The following ROBO2 variants were observed in gnomAD, a reference collection of about 807,000 sequenced individuals.
ROBO2 encodes the protein roundabout guidance receptor 2.
In ROBO2, 53 loss-of-function variants were observed where a neutral mutation model predicts 160.8. The observed-to-expected ratio is 0.33, with a 90% CI of 0.26 to 0.41. ROBO2 has a LOEUF of 0.41. Among genes scored for constraint, ROBO2 ranks in the 10% least tolerant of loss-of-function variants. The pLI is 1.00. For missense variants in ROBO2, 1,577 were observed against 1,722.4 expected (o/e 0.92, Z 1.49); for synonymous variants, 664 against 611.7 (o/e 1.09, Z -1.26).
At chr3:77,290,005 G>T in intron 2 of ROBO2, among the ~76,000 whole-genome samples, 1 of 151,292 alleles carries the variant, frequency 6.6e-6, no homozygotes, top group South Asian at 2.1e-4. Flanking sequence ...ACTGAGGCTA[G>T]ATCCCTAAAG....
chr3:76,986,862 A>T (rs997636927), intron 2 of ROBO2, among the ~76,000 whole-genome samples: 1 of 150,606 alleles, frequency 6.6e-6, no homozygotes, highest in Non-Finnish European at 1.5e-5. Flanking sequence ...TCGATAGGGA[A>T]TATAATAAGT....
At chr3:76,765,033 G>T (rs1239643929) in intron 2 of ROBO2, among the ~76,000 whole-genome samples, 1 of 151,588 alleles carries the variant, frequency 6.6e-6, no homozygotes, top group African/African-American at 2.4e-5. Context: ...GTACCCAATA[G>T]GTAATTTTTC....
intron 2 of ROBO2, among the ~76,000 whole-genome samples, chr3:76,188,797 T>C (rs1053982862): frequency 6.6e-6 from 1 of 152,102 alleles, no homozygotes; most frequent in Non-Finnish European, 1.5e-5. Flanking sequence ...CTTTCCATGT[T>C]CACACTCATA....
intron 5 of ROBO2, among the ~76,000 whole-genome samples, chr3:77,509,174 C>T (rs1292868335): frequency 2.0e-5 from 3 of 152,022 alleles, no homozygotes; most frequent in African/African-American, 4.8e-5. Flanking sequence ...TTTGCTCCTC[C>T]GGTGCCATCT....
intron 2 of ROBO2, among the ~76,000 whole-genome samples, chr3:76,838,607 A>G (rs1019721539): frequency 1.3e-5 from 2 of 152,078 alleles, no homozygotes; most frequent in African/African-American, 2.4e-5. Context: ...AGGTGGCCAC[A>G]TAAACTAAGC....
chr3:76,352,619 C>T (rs1240270473), intron 2 of ROBO2, among the ~76,000 whole-genome samples: 1 of 151,700 alleles, frequency 6.6e-6, no homozygotes, highest in African/African-American at 2.4e-5. Context: ...TGACTAAGGA[C>T]AAAAAAATGG....
intron 2 of ROBO2, among the ~76,000 whole-genome samples, chr3:76,958,284 C>T (rs1240907841): frequency 6.6e-6 from 1 of 152,136 alleles, no homozygotes; most frequent in Non-Finnish European, 1.5e-5. Flanking sequence ...GCATTTACCT[C>T]CTCCTCCCCA....
At chr3:76,134,212 C>T (rs748700585) in intron 2 of ROBO2, among the ~76,000 whole-genome samples, 30 of 152,064 alleles carry the variant, frequency 2.0e-4, no homozygotes, top group South Asian at 4.1e-4. Context: ...CTAAAAGACA[C>T]GAGGAATTTC....
chr3:76,045,496 T>C (rs891010194), intron 2 of ROBO2, among the ~76,000 whole-genome samples: 2 of 151,972 alleles, frequency 1.3e-5, no homozygotes, highest in Non-Finnish European at 2.9e-5. Context: ...GAGAAAGACT[T>C]TCAATTTTAT....
chr3:76,001,088 T>C (rs2065874132), intron 2 of ROBO2, among the ~76,000 whole-genome samples: 3 of 152,064 alleles, frequency 2.0e-5, no homozygotes, highest in South Asian at 2.1e-4. Flanking sequence ...TGTTTTTCCA[T>C]TTAATCTGTC....
chr3:77,434,809 A>G (rs2079122256), intron 2 of ROBO2, among the ~76,000 whole-genome samples: 2 of 152,094 alleles, frequency 1.3e-5, no homozygotes, highest in African/African-American at 4.8e-5. Context: ...TTACCCTTAC[A>G]TTTAGAAAAT....
At chr3:77,630,945 G>A (rs945144395) in intron 23 of ROBO2, 1 of 150,036 alleles carries the variant, frequency 6.7e-6, no homozygotes, top group African/African-American at 2.5e-5. Flanking sequence ...CCCCCTCACT[G>A]AATTTCTTTG....
intron 2 of ROBO2, among the ~76,000 whole-genome samples, chr3:77,280,337 T>A (rs529712567): frequency 3.9e-5 from 6 of 152,200 alleles, no homozygotes; most frequent in Admixed American, 3.3e-4. Context: ...AAAATGGTTA[T>A]GTGGAAAGTT....
intron 2 of ROBO2, among the ~76,000 whole-genome samples, chr3:76,766,745 G>T (rs1033051324): frequency 6.6e-6 from 1 of 151,384 alleles, no homozygotes; most frequent in East Asian, 2.0e-4. Flanking sequence ...GCTCTTATTG[G>T]GATAAATGGA....
intron 2 of ROBO2, among the ~76,000 whole-genome samples, chr3:76,751,894 A>G (rs1008985420): frequency 6.6e-6 from 1 of 152,102 alleles, no homozygotes; most frequent in Non-Finnish European, 1.5e-5. Context: ...CGATTCCTCA[A>G]GGATCTAGAA....
rs1708983770 is a variant in ROBO2, at chr3:76,294,756, C to T, written c.109+357154C>T. Among the ~76,000 whole-genome samples, 3 of 152,286 alleles carry T rather than the reference C, an allele frequency of 2.0e-5. No homozygotes were observed. In the South Asian group the frequency reaches 6.2e-4, roughly 32 times the overall value. ...CAAATATATTTCATGAATTTTTCAC[C>T]TGGCCATTAGCTTTGCAGGCAATAG... On this transcript the variant is annotated intron_variant, in intron 2 of 26. Transcript: ENST00000487694.
chr3:76,947,070 A>G (rs1406363009), intron 2 of ROBO2, among the ~76,000 whole-genome samples: 2 of 152,202 alleles, frequency 1.3e-5, no homozygotes, highest in Non-Finnish European at 2.9e-5. Context: ...ATTTGAAAAC[A>G]TATTCTTATC....
chr3:77,547,060 T>C (rs1466456014), intron 7 of ROBO2, among the ~76,000 whole-genome samples: 1 of 152,034 alleles, frequency 6.6e-6, no homozygotes, highest in Non-Finnish European at 1.5e-5. Context: ...ATACCTGTCT[T>C]GTCTTTGTTC....
At chr3:76,858,524 A>G (rs2070385901) in intron 2 of ROBO2, among the ~76,000 whole-genome samples, 2 of 152,282 alleles carry the variant, frequency 1.3e-5, no homozygotes, top group East Asian at 3.9e-4. Flanking sequence ...TTGGCTTCTT[A>G]AAGTCCTAGG....
Sources: allele counts gnomAD v4.1 joint callset (sites outside exome capture counted in the v4.1 genomes callset), GRCh38; gene constraint gnomAD v4.1.1; transcripts MANE v1.5; gene names NCBI Gene and HGNC (gene_info 2026-07-23, HGNC 2026-07-21).